ESR1: variants seen among roughly 807,000 people sequenced by gnomAD.
ESR1 encodes estrogen receptor 1, also known as estrogen receptor.
ESR1 carries 12 observed loss-of-function variants against 52.7 expected under a neutral mutation model. The ratio of observed to expected loss-of-function variants is 0.23; its 90% CI spans 0.15 to 0.37. The LOEUF (loss-of-function observed/expected upper bound fraction) is 0.37, where lower values mean the gene tolerates loss of function less well. Among genes scored for constraint, ESR1 ranks in the 10% least tolerant of loss-of-function variants. The pLI is 1.00. For missense variants in ESR1, 584 were observed against 779.7 expected (o/e 0.75, Z 2.99); for synonymous variants, 305 against 316.8 (o/e 0.96, Z 0.39).
intron 4 of ESR1, among the ~76,000 whole-genome samples, chr6:151,962,266 T>A (rs539671555): frequency 6.6e-6 from 1 of 152,248 alleles, no homozygotes; most frequent in South Asian, 2.1e-4. Flanking sequence ...TTTATTCTTA[T>A]CCTGAGGCCC....
At chr6:152,114,666 C>T (rs2813547) in intron 6 of ESR1, among the ~76,000 whole-genome samples, 31,014 of 151,350 alleles carry the variant, frequency 0.2, 3,217 homozygotes, top group Non-Finnish European at 0.21. Flanking sequence ...CCGAGGCGGG[C>T]GGATCACGAG....
At chr6:152,072,341 C>T (rs998970612) in intron 6 of ESR1, among the ~76,000 whole-genome samples, 11 of 152,050 alleles carry the variant, frequency 7.2e-5, no homozygotes, top group Non-Finnish European at 1.5e-4. Flanking sequence ...GTTTTGGGCT[C>T]TTTGCCACTG....
At chr6:151,820,360 A>G (rs1027943786) in intron 1 of ESR1, among the ~76,000 whole-genome samples, 1 of 152,184 alleles carries the variant, frequency 6.6e-6, no homozygotes, top group African/African-American at 2.4e-5. Context: ...CTTAAAGAAC[A>G]CTGATAGCTA....
intron 6 of ESR1, among the ~76,000 whole-genome samples, chr6:152,076,706 C>A (rs2048762339): frequency 1.3e-5 from 2 of 152,108 alleles, no homozygotes; most frequent in South Asian, 4.1e-4. Flanking sequence ...GGAAGTGGAG[C>A]AAAGGTGACT....
chr6:152,083,729 G>C (rs1031482508), intron 6 of ESR1, among the ~76,000 whole-genome samples: 2 of 152,072 alleles, frequency 1.3e-5, no homozygotes, highest in African/African-American at 4.8e-5. Flanking sequence ...TAATATCTTT[G>C]TAGAATCTGC....
intron 3 of ESR1, among the ~76,000 whole-genome samples, chr6:151,897,973 C>CA (rs1795813352): frequency 6.6e-6 from 1 of 152,140 alleles, no homozygotes; most frequent in Admixed American, 6.5e-5. Flanking sequence ...TTGCTGGATA[C>CA]AAAATTCTTG....
intron 6 of ESR1, among the ~76,000 whole-genome samples, chr6:152,116,061 A>C (rs890003554): frequency 1.3e-5 from 2 of 152,176 alleles, no homozygotes; most frequent in Non-Finnish European, 2.9e-5. Context: ...GGAAACCACT[A>C]GTGTACATTA....
chr6:151,659,054 C>T (rs1189841541), intron 1 of ESR1, among the ~76,000 whole-genome samples: 1 of 152,152 alleles, frequency 6.6e-6, no homozygotes, highest in Admixed American at 6.6e-5. Context: ...GATCTTGTTG[C>T]CCAGGCTGGA....
At chr6:151,750,770 A>T (rs570516723) in intron 2 of ESR1, among the ~76,000 whole-genome samples, 13 of 152,292 alleles carry the variant, frequency 8.5e-5, no homozygotes, top group African/African-American at 2.6e-4. Context: ...CGTTCTGAAA[A>T]CCAGGCTTAA....
intron 3 of ESR1, among the ~76,000 whole-genome samples, chr6:151,897,909 C>T (rs1276238455): frequency 1.2e-4 from 18 of 152,118 alleles, no homozygotes; most frequent in Admixed American, 8.5e-4. Flanking sequence ...ATTCTCTTAG[C>T]GTTGTTTTTA....
At position 152,094,706 on chromosome 6, in the gene ESR1, A is replaced by T; in HGVS notation, c.1553+138A>T. On this transcript the variant is annotated intron_variant, in intron 7 of 7. Coordinates refer to ENST00000206249, the MANE Select transcript of ESR1 (RefSeq NM_000125.4). The surrounding 1 kb of genome is among the most constrained non-coding windows in gnomAD (Gnocchi z 4.6). ...ACAGTTCCTGGCATAGAATAAGCAT[A>T]AATGCTATAGGAGGACAGAAGAGAG... The T allele has an allele frequency of 1.2e-6, 1 of 804,650 alleles. No homozygotes were observed. Among genetic ancestry groups the T allele is most frequent in the South Asian group, 1.5e-5 (1 of 66,720 alleles). The allele number at this position is 804,650 out of a possible 1,614,324, so 49.8% of individuals were successfully genotyped here. A position where few individuals can be genotyped will look rare whatever the true frequency, so the allele number is the denominator to read the frequency against.
chr6:151,958,299 C>G (rs2037232486), intron 4 of ESR1, among the ~76,000 whole-genome samples: 1 of 146,764 alleles, frequency 6.8e-6, no homozygotes, highest in Non-Finnish European at 1.5e-5. Flanking sequence ...TAAATTCACA[C>G]TAAGGCTCTT....
At chr6:152,088,588 G>A (rs1048423198) in intron 6 of ESR1, among the ~76,000 whole-genome samples, 4 of 152,174 alleles carry the variant, frequency 2.6e-5, no homozygotes, top group Non-Finnish European at 2.9e-5. Context: ...AGTTATCCCA[G>A]GAGTGGGACT....
At chr6:151,726,067 A>T (rs935372402) in intron 2 of ESR1, among the ~76,000 whole-genome samples, 1 of 152,188 alleles carries the variant, frequency 6.6e-6, no homozygotes, top group Non-Finnish European at 1.5e-5. Flanking sequence ...CACGGAAATC[A>T]GTTGTATGGT....
chr6:151,812,381 C>A (rs1044038082), intron 1 of ESR1, among the ~76,000 whole-genome samples: 11 of 152,222 alleles, frequency 7.2e-5, no homozygotes, highest in South Asian at 2.1e-4. Context: ...TATATGAAAT[C>A]TTTTCCTGTG....
intron 2 of ESR1, among the ~76,000 whole-genome samples, chr6:151,796,546 G>A (rs549891831): frequency 2.6e-5 from 4 of 152,282 alleles, no homozygotes; most frequent in South Asian, 4.1e-4. Context: ...AAATGAAATG[G>A]CATTTGTAAA....
At position 151,867,949 on chromosome 6, in the gene ESR1, T is replaced by C. The variant is rs545654934; in HGVS notation, c.644-12706T>C. ...ATTAATCCTTTTTTATTTTTGCATA[T>C]TATTTATTTTTCAACTTTTATTTTA... is the stretch of plus-strand genomic sequence containing the variant. On this transcript the variant is annotated intron_variant, in intron 2 of 7. Coordinates refer to ENST00000206249, the MANE Select transcript of ESR1 (RefSeq NM_000125.4). Among the ~76,000 whole-genome samples, 4 of 152,298 alleles carry C rather than the reference T, an allele frequency of 2.6e-5. No individual in the cohort carries two copies. The East Asian group carries it at 7.7e-4, about 29-fold the overall frequency.
chr6:151,977,116 G>C (rs193100809), intron 4 of ESR1, among the ~76,000 whole-genome samples: 199 of 152,224 alleles, frequency 1.3e-3, no homozygotes, highest in African/African-American at 4.4e-3. Context: ...CCATTGTAGA[G>C]AGTGAAAATA....
intron 4 of ESR1, among the ~76,000 whole-genome samples, chr6:151,980,963 A>G (rs2039938772): frequency 6.6e-6 from 1 of 152,204 alleles, no homozygotes; most frequent in Admixed American, 6.5e-5. Flanking sequence ...TGGCCTCTCA[A>G]AGTGCTGGGA....
Sources: allele counts gnomAD v4.1 joint callset (sites outside exome capture counted in the v4.1 genomes callset), GRCh38; gene constraint gnomAD v4.1.1; non-coding constraint Gnocchi (gnomAD v3.1); transcripts MANE v1.5; gene names NCBI Gene and HGNC (gene_info 2026-07-23, HGNC 2026-07-21).